XKR9: variants seen among roughly 807,000 people sequenced by gnomAD.
XKR9 encodes XK related 9.
XKR9 carries 32 observed loss-of-function variants against 32.0 expected under a neutral mutation model. That is an observed-to-expected ratio of 1.00 (90% CI 0.76 to 1.34). The LOEUF is 1.34. Ranked by LOEUF, XKR9 falls within the 40% of genes most tolerant of loss-of-function variation. The pLI is 0.00. For synonymous variants in XKR9, 168 were observed against 143.4 expected, an observed-to-expected ratio of 1.17 and a Z score of -1.22; for missense variants, 546 against 429.7, an observed-to-expected ratio of 1.27 and a Z score of -2.39.
At chr8:70,801,152 A>G in the XKR9 span, among the ~76,000 whole-genome samples, 2 of 151,880 alleles carry the variant, frequency 1.3e-5, no homozygotes, top group African/African-American at 2.4e-5. Flanking sequence ...TTGATATTTC[A>G]TATGGTTTTT....
chr8:71,049,203 G>A, the XKR9 span, among the ~76,000 whole-genome samples: 1 of 152,124 alleles, frequency 6.6e-6, no homozygotes, highest in Admixed American at 6.5e-5. Context: ...CATTCATACA[G>A]CAAGCATTAA....
chr8:70,931,784 AC>A, the XKR9 span, among the ~76,000 whole-genome samples: 1 of 152,090 alleles, frequency 6.6e-6, no homozygotes, highest in Non-Finnish European at 1.5e-5. Context: ...AAGGTCCCAG[AC>A]TCCTGTAAAC....
chr8:70,744,305 C>A (rs62532060), intron 2 of XKR9, among the ~76,000 whole-genome samples: 2 of 117,116 alleles, frequency 1.7e-5, no homozygotes, highest in East Asian at 4.0e-4. Flanking sequence ...AGCGAGACTT[C>A]GCCTCAAAAA....
At chr8:71,037,159 T>C in the XKR9 span, among the ~76,000 whole-genome samples, 2 of 152,314 alleles carry the variant, frequency 1.3e-5, no homozygotes, top group East Asian at 3.9e-4. Flanking sequence ...AAGGTGGCTT[T>C]TTCTAATTTT....
At chr8:70,755,516 C>A (rs922479110) in intron 2 of XKR9, among the ~76,000 whole-genome samples, 1 of 152,032 alleles carries the variant, frequency 6.6e-6, no homozygotes, top group African/African-American at 2.4e-5. Context: ...ACCCAAATGT[C>A]CAACAATGAT....
chr8:70,890,001 C>T, the XKR9 span, among the ~76,000 whole-genome samples: 1 of 151,986 alleles, frequency 6.6e-6, no homozygotes, highest in Non-Finnish European at 1.5e-5. Context: ...CTACAAACTG[C>T]TTTCCACAGT....
intron 2 of XKR9, among the ~76,000 whole-genome samples, chr8:70,772,765 G>A (rs2130235456): frequency 6.6e-6 from 1 of 152,224 alleles, no homozygotes; most frequent in South Asian, 2.1e-4. Context: ...AGAAAAATTA[G>A]CTTCTTGATT....
At chr8:71,018,042 TCTGA>T in the XKR9 span, among the ~76,000 whole-genome samples, 1 of 152,218 alleles carries the variant, frequency 6.6e-6, no homozygotes, top group Non-Finnish European at 1.5e-5. Context: ...GTTTTTTTCC[TCTGA>T]CTCTTATATT....
At chr8:70,796,127 C>G in the XKR9 span, among the ~76,000 whole-genome samples, 1 of 151,266 alleles carries the variant, frequency 6.6e-6, no homozygotes, top group African/African-American at 2.4e-5. Context: ...AATTGCATGT[C>G]ACAGGGGTTT....
At chr8:70,754,793 C>G (rs1807193947) in intron 2 of XKR9, among the ~76,000 whole-genome samples, 1 of 151,732 alleles carries the variant, frequency 6.6e-6, no homozygotes, top group Non-Finnish European at 1.5e-5. Context: ...CATGTTAGAC[C>G]TAAAACCATA....
the XKR9 span, among the ~76,000 whole-genome samples, chr8:70,885,753 C>T: frequency 7.9e-5 from 12 of 152,186 alleles, no homozygotes; most frequent in African/African-American, 2.2e-4. Context: ...CCTGCCACCA[C>T]GCCCGGCTAA....
At chr8:70,968,721 G>T in the XKR9 span, among the ~76,000 whole-genome samples, 1 of 152,064 alleles carries the variant, frequency 6.6e-6, no homozygotes, top group East Asian at 1.9e-4. Flanking sequence ...TTTGCTGGGG[G>T]TCCACTCCAG....
At chr8:70,891,201 A>G in the XKR9 span, among the ~76,000 whole-genome samples, 5 of 150,922 alleles carry the variant, frequency 3.3e-5, no homozygotes, top group Admixed American at 1.3e-4. Flanking sequence ...TTATTTGTCT[A>G]GTGAAAGGTT....
the XKR9 span, among the ~76,000 whole-genome samples, chr8:70,797,602 G>A: frequency 5.3e-5 from 8 of 151,432 alleles, no homozygotes; most frequent in Non-Finnish European, 8.8e-5. Flanking sequence ...GGTACAATGT[G>A]CAGGTGTGTG....
the XKR9 span, among the ~76,000 whole-genome samples, chr8:70,815,514 T>TTTATTTATTTATTTATTTAA: frequency 2.0e-5 from 3 of 149,048 alleles, no homozygotes; most frequent in African/African-American, 7.4e-5. Flanking sequence ...CTTTATTTTA[T>TTTATTTATTTATTTATTTAA]TTATTTATTT....
chr8:70,783,437 A>G (rs1282385489), intron 2 of XKR9, among the ~76,000 whole-genome samples: 1 of 152,134 alleles, frequency 6.6e-6, no homozygotes, highest in Non-Finnish European at 1.5e-5. Flanking sequence ...CGTGTTAGCC[A>G]GAATGGTCTC....
intron 2 of XKR9, among the ~76,000 whole-genome samples, chr8:70,746,526 A>G (rs1376723644): frequency 2.0e-5 from 3 of 150,504 alleles, no homozygotes; most frequent in Admixed American, 2.0e-4. Context: ...GGGAATTTGC[A>G]GTTTCTTTCT....
At chr8:70,742,918 T>C (rs1003298653) in intron 2 of XKR9, among the ~76,000 whole-genome samples, 7 of 152,100 alleles carry the variant, frequency 4.6e-5, no homozygotes, top group Non-Finnish European at 7.4e-5. Context: ...GTATTTCTCC[T>C]GCATAGGATT....
At position 70,772,862 on chromosome 8, in the gene XKR9, G is replaced by A. The variant is rs532171606; in HGVS notation, n.353-16477G>A. Among the ~76,000 whole-genome samples the A allele has an allele frequency of 2.0e-5, 3 of 152,222 alleles. No homozygotes were observed. In the East Asian group the frequency reaches 5.8e-4, roughly 29 times the overall value. On this transcript the variant is annotated intron_variant and non_coding_transcript_variant, in intron 2 of 3. Coordinates refer to the XKR9 transcript ENST00000520273. ...TTTCTAGTTAGGTGTAAAGTAAAGG[G>A]GAGTGTTTGGTATAAAAGTTTATAG...
Sources: gnomAD v4.1 joint callset for allele counts (sites outside exome capture counted in the v4.1 genomes callset) on GRCh38, gnomAD v4.1.1 for gene constraint, MANE v1.5 for transcripts, NCBI Gene and HGNC (gene_info 2026-07-23, HGNC 2026-07-21) for gene names.